The following NRP2 variants were observed in gnomAD, a reference collection of about 807,000 sequenced individuals.
The protein encoded by NRP2 is neuropilin 2.
NRP2 carries 52 observed loss-of-function variants against 110.4 expected under a neutral mutation model. The ratio of observed to expected loss-of-function variants is 0.47; its 90% CI spans 0.38 to 0.59. The LOEUF (loss-of-function observed/expected upper bound fraction) is 0.59. Among genes scored for constraint, NRP2 ranks in the 20% least tolerant of loss-of-function variants. NRP2 has a pLI of 0.00. For missense variants in NRP2, 1,049 were observed against 1,203.0 expected, an observed-to-expected ratio of 0.87 and a Z score of 1.89; for synonymous variants, 508 against 468.9, an observed-to-expected ratio of 1.08 and a Z score of -1.08.
At chr2:205,700,837 G>T in intron 2 of NRP2, 1 of 482,358 alleles carries the variant, frequency 2.1e-6, no homozygotes, top group Non-Finnish European at 4.2e-6. Context: ...GCAAATCCTG[G>T]GCACCCACAG....
At chr2:205,732,313 A>G (rs2057256013) in intron 7 of NRP2, among the ~76,000 whole-genome samples, 1 of 152,252 alleles carries the variant, frequency 6.6e-6, no homozygotes, top group Non-Finnish European at 1.5e-5. Flanking sequence ...CTCCACTTCA[A>G]AAATCCTCTA....
chr2:205,785,156 C>A (rs1446083086), intron 15 of NRP2, among the ~76,000 whole-genome samples: 2 of 152,218 alleles, frequency 1.3e-5, no homozygotes, highest in Non-Finnish European at 2.9e-5. Context: ...AAGGGGCTAT[C>A]TTTCAGAAGA....
At chr2:205,696,570 T>C (rs1390415623) in intron 1 of NRP2, among the ~76,000 whole-genome samples, 1 of 152,232 alleles carries the variant, frequency 6.6e-6, no homozygotes, top group South Asian at 2.1e-4. Context: ...CCCGAATAGA[T>C]GAGATTCCTC....
chr2:205,791,551 G>A (rs1242438309), intron 15 of NRP2, among the ~76,000 whole-genome samples: 1 of 152,214 alleles, frequency 6.6e-6, no homozygotes, highest in Non-Finnish European at 1.5e-5. Flanking sequence ...GATAGACAGT[G>A]ATAATACTGG....
chr2:205,725,931 C>T lies in NRP2; in HGVS notation c.839C>T (p.Pro280Leu). ...TCCCCAGACTTTCAGTGCAATGTTCCTCTGGGCATGGAGTCTGGCCGGATT... is the reference window on the plus strand; with the variant it reads ...TCCCCAGACTTTCAGTGCAATGTTCTTCTGGGCATGGAGTCTGGCCGGATT... The part of the protein sequence containing the change: ...EPLENFQCNV[P>L]LGMESGRIAN... Residue 280 changes from proline (P) to leucine (L), a missense_variant, in exon 6 of 17, where the codon CCT becomes CTT. By Grantham distance (98) the Pro-to-Leu change is moderately conservative. Transcript: ENST00000357785. The surrounding 1 kb of genome is among the most constrained non-coding windows in gnomAD (Gnocchi z 4.1). The T allele has an allele frequency of 6.2e-7, 1 of 1,614,166 alleles. No individual in the cohort carries two copies. The highest frequency in any genetic ancestry group is 8.5e-7 in the Non-Finnish European group (1 of 1,180,034).
rs751751923 is a variant in NRP2, at chr2:205,716,375, G to A, written c.433+1G>A. 1.2e-6 allele frequency: 2 copies of A among 1,613,742 alleles called. No homozygotes were observed. Among genetic ancestry groups the A allele is most frequent in the Non-Finnish European group, 1.7e-6 (2 of 1,180,014 alleles). On this transcript the variant is annotated splice_donor_variant, in intron 3 of 16. Coordinates refer to ENST00000357785, the MANE Select transcript of NRP2 (RefSeq NM_003872.3). LOFTEE classifies it high-confidence loss of function. Reference sequence around the variant, plus strand: ...CTGCGCTACGAGATCTTCAAGACAGGTCAGTGTGGTCACACGTAGGGGCCG... The same window carrying A: ...CTGCGCTACGAGATCTTCAAGACAGATCAGTGTGGTCACACGTAGGGGCCG...
Position 205,794,844 on chromosome 2 carries a change from C to T in NRP2, c.2567C>T (p.Thr856Ile), listed in dbSNP as rs140303529. 1 of 1,614,238 alleles carries T rather than the reference C, an allele frequency of 6.2e-7. No individual in the cohort carries two copies. Among genetic ancestry groups the T allele is most frequent in the South Asian group, 1.1e-5 (1 of 91,088 alleles). Reference protein sequence around the residue: ...STDKEKSWLYTLDPILITIIA... With the variant: ...STDKEKSWLYILDPILITIIA... ...GACAAAGAAAAGAGCTGGCTGTACA[C>T]CCTGGATCCCATCCTCATCACCATC... Residue 856 changes from threonine to isoleucine, a missense_variant, in exon 17 of 17, where the codon ACC becomes ATC. Thr to Ile is a moderately conservative substitution (Grantham distance 89, BLOSUM62 -1). Coordinates refer to ENST00000357785, the MANE Select transcript of NRP2 (RefSeq NM_003872.3).
rs181564275 is a variant in NRP2, at chr2:205,688,804, G to A, written c.73+5441G>A. Reference sequence around the variant, plus strand: ...TGGCATTTAGGATAGAGAAGAGTAGGATTGAGAAGAAAGGAGAGAAATAGG... The same window carrying A: ...TGGCATTTAGGATAGAGAAGAGTAGAATTGAGAAGAAAGGAGAGAAATAGG... On this transcript the variant is annotated intron_variant, in intron 1 of 16. Coordinates refer to ENST00000357785, the MANE Select transcript of NRP2 (RefSeq NM_003872.3). 5.2e-4 allele frequency among the ~76,000 whole-genome samples: 79 copies of A among 151,838 alleles called. 1 individual carries two copies. Among genetic ancestry groups the A allele is most frequent in the Admixed American group, 4.8e-3 (73 of 15,256 alleles).
chr2:205,781,099 C>G (rs78250979), intron 15 of NRP2, among the ~76,000 whole-genome samples: 1 of 152,204 alleles, frequency 6.6e-6, no homozygotes, highest in African/African-American at 2.4e-5. Flanking sequence ...CCAAACTTGC[C>G]GGACTGAACT....
At chr2:205,728,118 C>G in intron 7 of NRP2, 72 bp downstream of exon 7, 1 of 1,563,788 alleles carries the variant, frequency 6.4e-7, no homozygotes, top group Admixed American at 1.7e-5. Context: ...GAGCTTTAAG[C>G]CGACCTCCTA....
intron 12 of NRP2, among the ~76,000 whole-genome samples, chr2:205,754,279 G>T (rs972655141): frequency 6.6e-6 from 1 of 152,144 alleles, no homozygotes; most frequent in Non-Finnish European, 1.5e-5. Context: ...CCTTAGAACT[G>T]CTTCTCACCC....
chr2:205,730,699 A>G (rs910755198), intron 7 of NRP2, among the ~76,000 whole-genome samples: 1 of 152,192 alleles, frequency 6.6e-6, no homozygotes, highest in Non-Finnish European at 1.5e-5. Context: ...GTCAACAGCA[A>G]TGCAGCATAC....
intron 2 of NRP2, among the ~76,000 whole-genome samples, chr2:205,706,293 GGACGAAGCCA>G (rs2056675916): frequency 1.3e-5 from 2 of 152,078 alleles, no homozygotes; most frequent in Admixed American, 6.5e-5. Flanking sequence ...CGAGCTGTCA[GGACGAAGCCA>G]GACACACCGG....
At position 205,716,249 on chromosome 2, in the gene NRP2, A is replaced by G. The variant is rs1242644548; in HGVS notation, c.308A>G (p.Lys103Arg). The G allele has an allele frequency of 6.2e-7, 1 of 1,614,058 alleles. No homozygotes were observed. The highest frequency in any genetic ancestry group is 8.5e-7 in the Non-Finnish European group (1 of 1,180,040). The stretch of plus-strand genomic sequence containing the variant: ...AGTGAATCCGCAGACCTCCTGGGCA[A>G]ACACTGTGGGAACATCGCCCCGCCC... ...GDSESADLLG[K>R]HCGNIAPPTI... Residue 103 changes from lysine (K) to arginine (R), a missense_variant, in exon 3 of 17, where the codon AAA becomes AGA. Lys to Arg is a conservative substitution (Grantham distance 26). Transcript: ENST00000357785.
intron 15 of NRP2, 32 bp downstream of exon 15, chr2:205,766,835 T>G: frequency 6.2e-7 from 1 of 1,602,488 alleles, no homozygotes; most frequent in African/African-American, 1.3e-5. Flanking sequence ...AAAAATTTTT[T>G]TTTTGCATGC....
In NRP2 at chr2:205,728,015, G is replaced by A; in HGVS notation, c.1115G>A (p.Trp372Ter). Residue 372 changes from tryptophan to a stop codon, truncating the protein, a stop_gained, in exon 7 of 17, where the codon TGG (tryptophan) becomes TAG (stop). Coordinates refer to ENST00000357785, the MANE Select transcript of NRP2 (RefSeq NM_003872.3). LOFTEE classifies it high-confidence loss of function. ...GAAGTCAGCACTAATGGAGAGGACT[G>A]GATGGTGTACCGGCATGGCAAAAAC... ...KLEVSTNGED[W>*]MVYRHGKNHK... 6.2e-7 allele frequency: 1 copy of A among 1,614,184 alleles called. No individual in the cohort carries two copies. Among genetic ancestry groups the A allele is most frequent in the Non-Finnish European group, 8.5e-7 (1 of 1,180,042 alleles).
intron 11 of NRP2, among the ~76,000 whole-genome samples, chr2:205,751,014 G>T (rs1488707159): frequency 6.6e-6 from 1 of 152,158 alleles, no homozygotes; most frequent in East Asian, 1.9e-4. Context: ...GTTGGTCGGG[G>T]TTAGTTGAAT....
chr2:205,752,872 C>T lies in NRP2; in HGVS notation c.1941C>T (p.Asn647=). 6.2e-7 allele frequency: 1 copy of T among 1,614,204 alleles called. No individual in the cohort carries two copies. Among genetic ancestry groups the T allele is most frequent in the Non-Finnish European group, 8.5e-7 (1 of 1,180,022 alleles). The part of the protein sequence containing the change: ...DLQLPSGFNC[N]FDFLEEPCGW... ...AGCTCCCTTCGGGATTCAATTGCAACTTCGATTTCCTCGAGGAGCCCTGTG... is the reference window on the plus strand; with the variant it reads ...AGCTCCCTTCGGGATTCAATTGCAATTTCGATTTCCTCGAGGAGCCCTGTG... The change falls in exon 12 of 17, where the codon AAC becomes AAT. Residue 647 remains asparagine, a synonymous_variant. Coordinates refer to ENST00000357785, the MANE Select transcript of NRP2 (RefSeq NM_003872.3).
chr2:205,782,382 C>G (rs1171003905), intron 15 of NRP2, among the ~76,000 whole-genome samples: 1 of 152,126 alleles, frequency 6.6e-6, no homozygotes, highest in Non-Finnish European at 1.5e-5. Context: ...TGTATTGATA[C>G]TGATGATACA....
Sources: gnomAD v4.1 joint callset for allele counts (sites outside exome capture counted in the v4.1 genomes callset) on GRCh38, gnomAD v4.1.1 for gene constraint, Gnocchi (gnomAD v3.1) non-coding constraint, MANE v1.5 for transcripts, NCBI Gene and HGNC (gene_info 2026-07-23, HGNC 2026-07-21) for gene names.